The following ANKS1B variants were observed in gnomAD, a reference collection of about 807,000 sequenced individuals.
The protein encoded by ANKS1B is ankyrin repeat and sterile alpha motif domain containing 1B.
In ANKS1B, 36 loss-of-function variants were observed where a neutral mutation model predicts 148.3. The observed-to-expected ratio is 0.24, with a 90% CI of 0.19 to 0.32. The LOEUF is 0.32. ANKS1B is among the 10% of genes least tolerant of loss of function. The pLI is 1.00. For missense variants in ANKS1B, 1,157 were observed against 1,542.6 expected (o/e 0.75, Z 4.19); for synonymous variants, 542 against 560.8 (o/e 0.97, Z 0.47).
intron 12 of ANKS1B, among the ~76,000 whole-genome samples, chr12:99,251,017 G>T (rs2153973729): frequency 6.6e-6 from 1 of 152,188 alleles, no homozygotes; most frequent in East Asian, 2.0e-4. Context: ...GCACCATCTT[G>T]CCTGGGTCCT....
chr12:99,983,250 T>G (rs942726065), intron 1 of ANKS1B, among the ~76,000 whole-genome samples: 1 of 152,210 alleles, frequency 6.6e-6, no homozygotes, highest in African/African-American at 2.4e-5. Context: ...TCCCTCCCAG[T>G]TGATTTCATT....
intron 12 of ANKS1B, among the ~76,000 whole-genome samples, chr12:99,313,421 G>C (rs1323867181): frequency 6.6e-6 from 1 of 152,136 alleles, no homozygotes; most frequent in Non-Finnish European, 1.5e-5. Flanking sequence ...ATTTTACGAA[G>C]CCAGCATCAT....
chr12:99,934,003 T>C (rs1002643951), intron 1 of ANKS1B, among the ~76,000 whole-genome samples: 3 of 152,046 alleles, frequency 2.0e-5, no homozygotes, highest in Non-Finnish European at 4.4e-5. Context: ...GATCATATAG[T>C]TTTTCTCAGT....
At chr12:99,102,396 A>G (rs2058150717) in intron 15 of ANKS1B, among the ~76,000 whole-genome samples, 1 of 149,096 alleles carries the variant, frequency 6.7e-6, no homozygotes, top group Non-Finnish European at 1.5e-5. Context: ...GAACAGGATC[A>G]CAGGAAGTTG....
chr12:99,039,667 A>AGTTT (rs376828296), intron 17 of ANKS1B, among the ~76,000 whole-genome samples: 1,793 of 152,148 alleles, frequency 0.012, 48 homozygotes, highest in African/African-American at 0.04. Context: ...GCTCCTCTGC[A>AGTTT]GTTTGTTTGT....
At chr12:99,464,729 G>A (rs902192076) in intron 10 of ANKS1B, among the ~76,000 whole-genome samples, 9 of 152,032 alleles carry the variant, frequency 5.9e-5, no homozygotes, top group Non-Finnish European at 1.2e-4. Context: ...AAGCCAGAAG[G>A]GAAGTTTAGA....
intron 14 of ANKS1B, among the ~76,000 whole-genome samples, chr12:99,185,831 C>T (rs538152537): frequency 2.6e-5 from 4 of 152,226 alleles, no homozygotes; most frequent in African/African-American, 4.8e-5. Context: ...GGGCAGACAC[C>T]GAGTTAGCTG....
At chr12:99,761,933 A>G (rs925863731) in intron 8 of ANKS1B, among the ~76,000 whole-genome samples, 1 of 151,988 alleles carries the variant, frequency 6.6e-6, no homozygotes, top group Non-Finnish European at 1.5e-5. Flanking sequence ...TAAGAATGCA[A>G]TCCCATTTAC....
At chr12:98,928,494 G>A (rs1013022669) in intron 17 of ANKS1B, among the ~76,000 whole-genome samples, 8 of 151,738 alleles carry the variant, frequency 5.3e-5, no homozygotes, top group Non-Finnish European at 2.9e-5. Context: ...TAAAATTAAA[G>A]ATCAATATAT....
chr12:99,590,812 G>A (rs1275650), intron 9 of ANKS1B, among the ~76,000 whole-genome samples: 97,541 of 152,002 alleles, frequency 0.64, 31,798 homozygotes, highest in African/African-American at 0.76. Context: ...ATTTACTTCA[G>A]TGAAGGCGTA....
At chr12:98,908,467 G>C (rs75723537) in intron 17 of ANKS1B, among the ~76,000 whole-genome samples, 1,524 of 152,270 alleles carry the variant, frequency 0.01, 28 homozygotes, top group African/African-American at 0.035. Flanking sequence ...ATACACTGGG[G>C]TGGTTCCCTA....
rs1224312157 is a variant in ANKS1B at position 99,015,632 on chromosome 12, C to T, written c.2778+37525G>A. On this transcript the variant is annotated intron_variant, in intron 17 of 26. Coordinates refer to ENST00000683438, the MANE Select transcript of ANKS1B (RefSeq NM_001352186.2). ...CTGTAATCCCAGCACTTTGAGAGGC[C>T]GAGGTGGGCGGATCAGGAGGTCAGG... 6.6e-5 allele frequency among the ~76,000 whole-genome samples: 10 copies of T among 151,966 alleles called. No individual in the cohort carries two copies. The South Asian group carries it at 8.3e-4, about 13-fold the overall frequency.
chr12:99,883,310 T>C (rs993763814), intron 1 of ANKS1B, among the ~76,000 whole-genome samples: 8 of 151,628 alleles, frequency 5.3e-5, no homozygotes, highest in African/African-American at 1.7e-4. Context: ...ATAAGAGGTG[T>C]TGGAACAAAT....
intron 11 of ANKS1B, among the ~76,000 whole-genome samples, chr12:99,416,187 T>C (rs1173447384): frequency 1.3e-5 from 2 of 152,226 alleles, no homozygotes; most frequent in African/African-American, 4.8e-5. Flanking sequence ...CTGTTGTGTG[T>C]ATCAATAGCT....
At chr12:99,262,861 G>A (rs2076071628) in intron 12 of ANKS1B, among the ~76,000 whole-genome samples, 1 of 151,770 alleles carries the variant, frequency 6.6e-6, no homozygotes. Flanking sequence ...TAGTGACTAG[G>A]GGAATGTGTG....
At chr12:99,068,969 A>G (rs1404854153) in intron 16 of ANKS1B, among the ~76,000 whole-genome samples, 3 of 152,172 alleles carry the variant, frequency 2.0e-5, no homozygotes, top group African/African-American at 7.2e-5. Flanking sequence ...TTTTCCACAT[A>G]GTATTCTAGT....
chr12:99,632,355 G>GACC (rs2098169428), intron 9 of ANKS1B, among the ~76,000 whole-genome samples: 1 of 151,890 alleles, frequency 6.6e-6, no homozygotes, highest in Non-Finnish European at 1.5e-5. Context: ...AGTGACCACA[G>GACC]ACAGCCCCTG....
At chr12:99,036,650 T>A (rs892107748) in intron 17 of ANKS1B, among the ~76,000 whole-genome samples, 1 of 152,238 alleles carries the variant, frequency 6.6e-6, no homozygotes, top group Non-Finnish European at 1.5e-5. Flanking sequence ...AGGGAGAGGA[T>A]AATTTGATAT....
At chr12:99,088,654 A>T (rs939676977) in intron 15 of ANKS1B, among the ~76,000 whole-genome samples, 3 of 152,018 alleles carry the variant, frequency 2.0e-5, no homozygotes, top group Non-Finnish European at 4.4e-5. Context: ...ACGGATTCTT[A>T]TAGCTTTTCA....
Sources: allele counts gnomAD v4.1 joint callset (sites outside exome capture counted in the v4.1 genomes callset), GRCh38; gene constraint gnomAD v4.1.1; transcripts MANE v1.5; gene names NCBI Gene and HGNC (gene_info 2026-07-23, HGNC 2026-07-21).